Variants in SCHIP1 observed in about 807,000 individuals in gnomAD.
The protein encoded by SCHIP1 is schwannomin interacting protein 1, also known as schwannomin-interacting protein 1.
In SCHIP1, 8 loss-of-function variants were observed where a neutral mutation model predicts 29.7. The observed-to-expected ratio is 0.27, with a 90% CI of 0.16 to 0.49. The LOEUF (loss-of-function observed/expected upper bound fraction) is 0.49. SCHIP1 is among the 20% of genes least tolerant of loss of function. The pLI is 0.99. For synonymous variants in SCHIP1, 76 were observed against 94.9 expected (o/e 0.80, Z 1.16); for missense variants, 193 against 294.6 (o/e 0.66, Z 2.52).
At chr3:159,448,513 G>A in the SCHIP1 span, among the ~76,000 whole-genome samples, 1 of 152,020 alleles carries the variant, frequency 6.6e-6, no homozygotes. Flanking sequence ...GGGAATTGTG[G>A]GGAGTGGGTT....
the SCHIP1 span, among the ~76,000 whole-genome samples, chr3:159,467,822 T>C: frequency 0.032 from 4,828 of 152,204 alleles, 243 homozygotes; most frequent in African/African-American, 0.11. Flanking sequence ...TTATGGAATG[T>C]TGAACTAAAT....
the SCHIP1 span, among the ~76,000 whole-genome samples, chr3:159,649,539 A>C: frequency 2.0e-5 from 3 of 152,220 alleles, no homozygotes; most frequent in Admixed American, 1.3e-4. Flanking sequence ...AATAATGTCC[A>C]TCAAAAAAAA....
chr3:159,515,584 C>T, the SCHIP1 span, among the ~76,000 whole-genome samples: 100 of 152,234 alleles, frequency 6.6e-4, no homozygotes, highest in Admixed American at 2.2e-3. Flanking sequence ...TTGTGATCAA[C>T]GGAGCTGCTT....
chr3:159,816,376 A>T, the SCHIP1 span, among the ~76,000 whole-genome samples: 66 of 152,206 alleles, frequency 4.3e-4, 1 homozygote, highest in South Asian at 0.013. Context: ...GACTCAAGGG[A>T]TCCTCTTGCT....
At chr3:159,871,823 C>A (rs1034931359) in intron 2 of SCHIP1, among the ~76,000 whole-genome samples, 1 of 152,178 alleles carries the variant, frequency 6.6e-6, no homozygotes, top group African/African-American at 2.4e-5. Flanking sequence ...ATGCTCCAGT[C>A]TCAACCTCTT....
chr3:159,316,983 C>T, the SCHIP1 span, among the ~76,000 whole-genome samples: 1 of 152,204 alleles, frequency 6.6e-6, no homozygotes, highest in Admixed American at 6.5e-5. Flanking sequence ...CCTTTGCCTT[C>T]AGCAAGCACC....
At chr3:159,516,577 G>A in the SCHIP1 span, among the ~76,000 whole-genome samples, 1,771 of 152,006 alleles carry the variant, frequency 0.012, 11 homozygotes, top group Middle Eastern at 0.027. Flanking sequence ...CTTCCATTCT[G>A]CAGCTAGATG....
At chr3:159,464,692 T>G in the SCHIP1 span, among the ~76,000 whole-genome samples, 31 of 152,174 alleles carry the variant, frequency 2.0e-4, no homozygotes, top group Admixed American at 1.6e-3. Context: ...CATTTCACAT[T>G]CTGCTGTGCT....
the SCHIP1 span, among the ~76,000 whole-genome samples, chr3:159,501,716 T>C: frequency 6.6e-6 from 1 of 152,228 alleles, no homozygotes; most frequent in African/African-American, 2.4e-5. Flanking sequence ...TCACCTATAA[T>C]GAATAGTATA....
At chr3:159,648,154 C>T in the SCHIP1 span, among the ~76,000 whole-genome samples, 1 of 152,172 alleles carries the variant, frequency 6.6e-6, no homozygotes, top group Non-Finnish European at 1.5e-5. Flanking sequence ...AGGCACACTC[C>T]TCTCTACTCC....
At chr3:159,547,826 T>A in the SCHIP1 span, among the ~76,000 whole-genome samples, 10 of 152,324 alleles carry the variant, frequency 6.6e-5, no homozygotes, top group Middle Eastern at 0.01. Context: ...TGTAGTATAG[T>A]TTGAAGTCAG....
chr3:159,335,913 C>T, the SCHIP1 span, among the ~76,000 whole-genome samples: 7 of 152,188 alleles, frequency 4.6e-5, no homozygotes, highest in South Asian at 2.1e-4. Context: ...CCTGAGGAAT[C>T]GCCACACTGA....
chr3:159,782,323 G>A, the SCHIP1 span, among the ~76,000 whole-genome samples: 3,446 of 152,276 alleles, frequency 0.023, 133 homozygotes, highest in African/African-American at 0.079. Flanking sequence ...CAGAGAGAGT[G>A]CGTGTGCTTT....
chr3:159,491,337 G>C, the SCHIP1 span, among the ~76,000 whole-genome samples: 1 of 152,242 alleles, frequency 6.6e-6, no homozygotes, highest in African/African-American at 2.4e-5. Context: ...CAAGGGGTCA[G>C]GGAATTCCCT....
chr3:159,603,333 CT>C, the SCHIP1 span, among the ~76,000 whole-genome samples: 1 of 152,156 alleles, frequency 6.6e-6, no homozygotes, highest in Non-Finnish European at 1.5e-5. Context: ...TTTATGGAAG[CT>C]TCATTACATA....
the SCHIP1 span, among the ~76,000 whole-genome samples, chr3:159,387,646 G>T: frequency 1.3e-5 from 2 of 152,162 alleles, no homozygotes; most frequent in African/African-American, 2.4e-5. Context: ...GGCTTTCCAG[G>T]CTGCATGGTC....
the SCHIP1 span, among the ~76,000 whole-genome samples, chr3:159,654,109 G>T: frequency 6.6e-6 from 1 of 151,946 alleles, no homozygotes; most frequent in Non-Finnish European, 1.5e-5. Context: ...AAATAATTAG[G>T]AAGATATTCA....
chr3:159,292,953 A>ATT, the SCHIP1 span, among the ~76,000 whole-genome samples: 1 of 151,752 alleles, frequency 6.6e-6, no homozygotes, highest in Non-Finnish European at 1.5e-5. Flanking sequence ...ACCCCCTTGT[A>ATT]TTTTTTCTGG....
the SCHIP1 span, among the ~76,000 whole-genome samples, chr3:159,797,774 C>T: frequency 6.6e-6 from 1 of 151,976 alleles, no homozygotes; most frequent in African/African-American, 2.4e-5. Flanking sequence ...GGGGTAAGAT[C>T]TTTAGTTTTT....
Sources: gnomAD v4.1 joint callset for allele counts (sites outside exome capture counted in the v4.1 genomes callset) on GRCh38, gnomAD v4.1.1 for gene constraint, MANE v1.5 for transcripts, NCBI Gene and HGNC (gene_info 2026-07-23, HGNC 2026-07-21) for gene names.